STKLD1: variants seen among roughly 807,000 people sequenced by gnomAD.
STKLD1 encodes the protein serine/threonine kinase-like domain-containing protein STKLD1.
A neutral mutation model predicts 80.4 loss-of-function variants in STKLD1; 79 were observed. The ratio of observed to expected loss-of-function variants is 0.98; its 90% CI spans 0.82 to 1.19. The LOEUF (loss-of-function observed/expected upper bound fraction) is 1.19. Ranked by LOEUF, STKLD1 falls within the 50% of genes most tolerant of loss-of-function variation. The pLI is 0.00. For synonymous variants in STKLD1, 393 were observed against 357.6 expected (o/e 1.10, Z -1.12); for missense variants, 841 against 856.0 (o/e 0.98, Z 0.22).
At position 133,403,764 on chromosome 9, in the gene STKLD1, C is replaced by T. The variant is rs1554778144; in HGVS notation, c.1539C>T (p.Thr513=). 5.0e-6 allele frequency: 8 copies of T among 1,613,824 alleles called. No homozygotes were observed. Among genetic ancestry groups the T allele is most frequent in the Non-Finnish European group, 5.9e-6 (7 of 1,179,970 alleles). The change falls in exon 15 of 18, where the codon ACC becomes ACT. Residue 513 remains threonine, a synonymous_variant. Coordinates refer to ENST00000371957, the MANE Select transcript of STKLD1 (RefSeq NM_153710.5). ...VPDLISQVLA[T]YPADGEMAEA... ...ACCTCATCAGCCAGGTGTTGGCCACCTACCCTGCGGATGGGGAAATGGCAG... is the reference window on the plus strand; with the variant it reads ...ACCTCATCAGCCAGGTGTTGGCCACTTACCCTGCGGATGGGGAAATGGCAG...
intron 5 of STKLD1, 160 bp downstream of exon 5, chr9:133,387,708 T>C (rs1338893350): frequency 2.8e-6 from 2 of 707,146 alleles, no homozygotes; most frequent in Admixed American, 2.0e-5. Context: ...AGGTAATGTG[T>C]GCAGATCTTA....
In STKLD1 at chr9:133,385,523, T is replaced by C; in HGVS notation, c.220-94T>C. The C allele has an allele frequency of 1.5e-6, 2 of 1,301,718 alleles. No homozygotes were observed. The highest frequency in any genetic ancestry group is 2.2e-6 in the Non-Finnish European group (2 of 909,842). 80.6% of individuals were successfully genotyped at this position (1,301,718 alleles called of 1,614,324 possible). A position where few individuals can be genotyped will look rare whatever the true frequency, so the allele number is the denominator to read the frequency against. ...CTGGCCCAGCTCAGAGCCCGAGGCT[T>C]GCATGTTTGTTGGGATGTGTGACAG... On this transcript the variant is annotated intron_variant, in intron 3 of 17. Coordinates refer to ENST00000371957, the MANE Select transcript of STKLD1 (RefSeq NM_153710.5). The surrounding 1 kb of genome is among the most constrained non-coding windows in gnomAD (Gnocchi z 4.9).
At chr9:133,396,160 C>T (rs782005062) in intron 9 of STKLD1, 4 of 163,548 alleles carry the variant, frequency 2.4e-5, no homozygotes, top group Non-Finnish European at 4.0e-5. Flanking sequence ...CTGGCCGGGG[C>T]GGTGGCTCAT....
At chr9:133,403,144 G>T (rs1838754040) in intron 14 of STKLD1, 132 bp downstream of exon 14, 1 of 965,200 alleles carries the variant, frequency 1.0e-6, no homozygotes, top group Non-Finnish European at 1.5e-6. Flanking sequence ...TCCGGGAAAG[G>T]CTCTTCTGAG....
At chr9:133,398,938 C>T (rs907762995) in intron 11 of STKLD1, among the ~76,000 whole-genome samples, 17 of 152,114 alleles carry the variant, frequency 1.1e-4, no homozygotes, top group Non-Finnish European at 2.4e-4. Flanking sequence ...CTGCAACCTC[C>T]GCCTCCTGGG....
In STKLD1 at chr9:133,389,513, A is replaced by G; in HGVS notation, c.397-13A>G. ...TGCCCCTCCCATCCTGGCACCCCCT[A>G]CTTCTCCCCCAGTGGATGCAGAATG... On this transcript the variant is annotated splice_polypyrimidine_tract_variant and intron_variant, in intron 5 of 17. Coordinates refer to ENST00000371957, the MANE Select transcript of STKLD1 (RefSeq NM_153710.5). This position sits in a 1 kb window ranked among gnomAD's most constrained non-coding sequence, Gnocchi z 6.4. The G allele has an allele frequency of 5.0e-6, 8 of 1,612,686 alleles. No homozygotes were observed. The highest frequency in any genetic ancestry group is 6.8e-6 in the Non-Finnish European group (8 of 1,179,734).
At chr9:133,403,573 T>G (rs1031402773) in intron 14 of STKLD1, 127 bp from the exon 15 acceptor site, 3 of 1,240,552 alleles carry the variant, frequency 2.4e-6, no homozygotes, top group Non-Finnish European at 3.3e-6. Context: ...CTGAGGACAG[T>G]TGACCTTTCC....
chr9:133,404,587 GCTGC>G (rs781860200), intron 16 of STKLD1, among the ~76,000 whole-genome samples, 198 bp from the exon 17 acceptor site: 5 of 152,176 alleles, frequency 3.3e-5, no homozygotes, highest in Admixed American at 6.5e-5. Context: ...CTCTGGGGGG[GCTGC>G]CTCCTCTGTT....
At position 133,395,622 on chromosome 9, in the gene STKLD1, G is replaced by A. The variant is rs587713716; in HGVS notation, c.725G>A (p.Arg242Gln). 5.4e-5 allele frequency: 87 copies of A among 1,613,108 alleles called. 1 individual carries two copies. In the South Asian group the frequency reaches 7.1e-4, roughly 13 times the overall value. ...CAGGGCACAGAAGCCATGCATCTGC[G>A]GAAGTCCCTCCGCCAGAGCCCAGGC... ...FMDGTEAMHL[R>Q]KSLRQSPGSL... The change falls in exon 9 of 18, where the codon CGG (arginine) becomes CAG (glutamine). Residue 242 changes from arginine to glutamine, a missense_variant. By Grantham distance (43) the Arg-to-Gln change is conservative. Transcript: ENST00000371957.
rs142292984 is a variant in STKLD1, at chr9:133,383,938, A to G, written c.219+38A>G. On this transcript the variant is annotated intron_variant, in intron 3 of 17. Coordinates refer to ENST00000371957, the MANE Select transcript of STKLD1 (RefSeq NM_153710.5). Reference sequence around the variant, plus strand: ...GTAGTTTTCCCTCTGGAAGAGCTCAATGGAGCATACACAGACTGTGTTCTG... The same window carrying G: ...GTAGTTTTCCCTCTGGAAGAGCTCAGTGGAGCATACACAGACTGTGTTCTG... 1,231 of 1,590,554 alleles carry G rather than the reference A, an allele frequency of 7.7e-4. 1 individual carries two copies. Among genetic ancestry groups the G allele is most frequent in the Middle Eastern group, 2.7e-3 (16 of 5,820 alleles).
At chr9:133,387,294 TGGGGCAGGA>T (rs1462681328) in intron 4 of STKLD1, among the ~76,000 whole-genome samples, 144 bp from the exon 5 acceptor site, 1 of 151,322 alleles carries the variant, frequency 6.6e-6, no homozygotes, top group Non-Finnish European at 1.5e-5. Context: ...AAGCTGAAGG[TGGGGCAGGA>T]GGGGCTTGTA....
At chr9:133,404,531 C>T (rs1378257702) in intron 16 of STKLD1, among the ~76,000 whole-genome samples, 2 of 152,278 alleles carry the variant, frequency 1.3e-5, no homozygotes, top group Admixed American at 6.5e-5. Context: ...ATGGTCTTGA[C>T]CTCTGTACTA....
intron 7 of STKLD1, among the ~76,000 whole-genome samples, chr9:133,392,707 ATGGATGGATGAG>A: frequency 2.4e-5 from 2 of 81,784 alleles, no homozygotes; most frequent in African/African-American, 1.1e-4. Flanking sequence ...GGATGAGTGG[ATGGATGGATGAG>A]TGGATGGATG....
rs1474680178 is a variant in STKLD1, at chr9:133,392,517, AGGTG to A, written c.583+1734_583+1737del. ...TAGGTGGGTGGATAGATGGATGAAT[AGGTG>A]GGTGGGTGGGTGAGTGGATGGATGG... On this transcript the variant is annotated intron_variant, in intron 7 of 17. Transcript: ENST00000371957. Among the ~76,000 whole-genome samples, 9 of 130,786 alleles carry A rather than the reference AGGTG, an allele frequency of 6.9e-5. No individual in the cohort carries two copies. In the South Asian group the frequency reaches 1.3e-3, roughly 19 times the overall value. 85.8% of individuals were successfully genotyped at this position (130,786 alleles called of 152,430 possible). A position where few individuals can be genotyped will look rare whatever the true frequency, so the allele number is the denominator to read the frequency against.
intron 7 of STKLD1, among the ~76,000 whole-genome samples, chr9:133,393,027 G>A (rs1430161360): frequency 7.2e-6 from 1 of 138,286 alleles, no homozygotes; most frequent in Non-Finnish European, 1.6e-5. Flanking sequence ...TGGGTGTATG[G>A]GCAGATGGGT....
chr9:133,389,021 A>C lies in STKLD1; in HGVS notation c.397-505A>C. ...GACACCCCAGGGTGGCCCTGAATCC[A>C]GGGGCCCTAGGAGCCCAGCTTTAGA... On this transcript the variant is annotated intron_variant, in intron 5 of 17. Coordinates refer to ENST00000371957, the MANE Select transcript of STKLD1 (RefSeq NM_153710.5). The surrounding 1 kb of genome is among the most constrained non-coding windows in gnomAD (Gnocchi z 6.4). 4 of 985,304 alleles carry C rather than the reference A, an allele frequency of 4.1e-6. No homozygotes were observed. The highest frequency in any genetic ancestry group is 3.6e-6 in the Non-Finnish European group (3 of 829,882). 61.0% of individuals were successfully genotyped at this position (985,304 alleles called of 1,614,324 possible). A position where few individuals can be genotyped will look rare whatever the true frequency, so the allele number is the denominator to read the frequency against.
rs1297475207 is a variant in STKLD1 at position 133,401,774 on chromosome 9, A to G, written c.1235A>G (p.Asn412Ser). Reference sequence around the variant, plus strand: ...CACCCGGAAGCCAAGGCTCCCTGCAACCAAGCCATCACCTCCACCCTGCTG... The same window carrying G: ...CACCCGGAAGCCAAGGCTCCCTGCAGCCAAGCCATCACCTCCACCCTGCTG... Reference protein sequence around the residue: ...VHHPEAKAPCNQAITSTLLSA... With the variant: ...VHHPEAKAPCSQAITSTLLSA... Residue 412 changes from asparagine (N) to serine (S), a missense_variant, in exon 13 of 18, where the codon AAC (asparagine) becomes AGC (serine). Asn to Ser is a conservative substitution (Grantham distance 46). Transcript: ENST00000371957. The G allele has an allele frequency of 1.9e-6, 3 of 1,613,366 alleles. No individual in the cohort carries two copies. The African/African-American group carries it at 4.0e-5, about 22-fold the overall frequency.
chr9:133,400,503 C>T lies in STKLD1; in HGVS notation c.1172C>T (p.Ser391Phe), dbSNP rs782272941. The T allele has an allele frequency of 1.2e-6, 2 of 1,613,066 alleles. No homozygotes were observed. The highest frequency in any genetic ancestry group is 1.7e-6 in the Non-Finnish European group (2 of 1,179,958). Residue 391 changes from serine to phenylalanine, a missense_variant, in exon 12 of 18, where the codon TCC becomes TTC. Transcript: ENST00000371957. The stretch of plus-strand genomic sequence containing the variant: ...CTCGATGTCCAGCTGTGTGCCTGCT[C>T]CCTGCTGCTGCACCTCCTGGGCCAA... ...RVLDVQLCAC[S>F]LLLHLLGQAL...
At chr9:133,379,232 C>A in intron 2 of STKLD1, 110 bp downstream of exon 2, 1 of 907,736 alleles carries the variant, frequency 1.1e-6, no homozygotes, top group Non-Finnish European at 1.7e-6. Context: ...CAGCTGGATT[C>A]CTCGCTGCTG....
Sources: allele counts gnomAD v4.1 joint callset (sites outside exome capture counted in the v4.1 genomes callset), GRCh38; gene constraint gnomAD v4.1.1; non-coding constraint Gnocchi (gnomAD v3.1); transcripts MANE v1.5; gene names NCBI Gene and HGNC (gene_info 2026-07-23, HGNC 2026-07-21).